The following UPK1B variants were observed in gnomAD, a reference collection of about 807,000 sequenced individuals.
UPK1B encodes uroplakin 1B.
UPK1B carries 28 observed loss-of-function variants against 34.2 expected under a neutral mutation model. The observed-to-expected ratio is 0.82, with a 90% confidence interval of 0.61 to 1.12. The LOEUF (loss-of-function observed/expected upper bound fraction) is 1.12, where lower values mean the gene tolerates loss of function less well. Among genes scored for constraint, UPK1B ranks in the 50% most tolerant of loss-of-function variants. The pLI is 0.00. For synonymous variants in UPK1B, 81 were observed against 110.4 expected, an observed-to-expected ratio of 0.73 and a Z score of 1.67; for missense variants, 325 against 320.9, an observed-to-expected ratio of 1.01 and a Z score of -0.10.
intron 1 of UPK1B, among the ~76,000 whole-genome samples, chr3:119,174,514 G>A (rs1056134232): frequency 4.6e-5 from 7 of 151,842 alleles, no homozygotes; most frequent in Admixed American, 2.0e-4. Flanking sequence ...CCAGCTATTC[G>A]GGAAGCTGAG....
chr3:119,185,238 C>T (rs753881137), intron 1 of UPK1B, among the ~76,000 whole-genome samples: 102 of 152,160 alleles, frequency 6.7e-4, no homozygotes, highest in Non-Finnish European at 1.3e-3. Flanking sequence ...CCCAGGTAAA[C>T]AGATAAAGGA....
intron 5 of UPK1B, among the ~76,000 whole-genome samples, chr3:119,192,661 C>T (rs758608319): frequency 4.6e-5 from 7 of 152,182 alleles, no homozygotes; most frequent in Non-Finnish European, 1.0e-4. Flanking sequence ...ACCAAATCTA[C>T]ATTGATATAC....
At chr3:119,183,097 C>G (rs541396002) in intron 1 of UPK1B, among the ~76,000 whole-genome samples, 5 of 152,236 alleles carry the variant, frequency 3.3e-5, no homozygotes, top group Middle Eastern at 3.4e-3. Flanking sequence ...TCTCTCCACT[C>G]CAGGTGTTTC....
At chr3:119,177,900 A>G (rs1025841731) in intron 1 of UPK1B, among the ~76,000 whole-genome samples, 2 of 152,226 alleles carry the variant, frequency 1.3e-5, no homozygotes, top group Admixed American at 6.5e-5. Flanking sequence ...GCTATTTGCT[A>G]TAGGCAGAGA....
At chr3:119,184,445 C>T (rs71325366) in intron 1 of UPK1B, among the ~76,000 whole-genome samples, 4,669 of 151,998 alleles carry the variant, frequency 0.031, 98 homozygotes, top group Non-Finnish European at 0.048. Context: ...TGAGGCCAGG[C>T]GCAGTGGCTC....
chr3:119,175,121 G>A (rs544241709), intron 1 of UPK1B, among the ~76,000 whole-genome samples: 5 of 140,066 alleles, frequency 3.6e-5, no homozygotes, highest in East Asian at 2.2e-4. Flanking sequence ...TCTGCCTCCC[G>A]GGTAGATGCC....
At chr3:119,196,358 C>T (rs2078067404) in intron 6 of UPK1B, among the ~76,000 whole-genome samples, 2 of 152,032 alleles carry the variant, frequency 1.3e-5, no homozygotes, top group South Asian at 4.2e-4. Context: ...GCATTCACTA[C>T]CTGGAACTAT....
chr3:119,187,713 A>G (rs1475457167), intron 2 of UPK1B, 62 bp from the exon 3 acceptor site: 15 of 1,073,794 alleles, frequency 1.4e-5, no homozygotes, highest in Non-Finnish European at 2.1e-5. Flanking sequence ...TACCTTCCCC[A>G]CCCTCCACCC....
chr3:119,181,644 CA>C (rs2077990042), intron 1 of UPK1B, among the ~76,000 whole-genome samples: 1 of 152,200 alleles, frequency 6.6e-6, no homozygotes, highest in South Asian at 2.1e-4. Flanking sequence ...TGCTCTTCAA[CA>C]AAGTTCTAGG....
chr3:119,181,044 G>A (rs72955044), intron 1 of UPK1B, among the ~76,000 whole-genome samples: 4,642 of 152,290 alleles, frequency 0.03, 225 homozygotes, highest in African/African-American at 0.11. Flanking sequence ...ACTTTTGAGT[G>A]TCCTCTTACT....
rs749656713 is a variant in UPK1B, at chr3:119,199,084, A to G, written c.676A>G (p.Met226Val). 93 of 1,614,034 alleles carry G rather than the reference A, an allele frequency of 5.8e-5. No homozygotes were observed. Among genetic ancestry groups the G allele is most frequent in the Non-Finnish European group, 7.0e-5 (83 of 1,180,012 alleles). The change falls in exon 7 of 8, where the codon ATG becomes GTG. Residue 226 changes from methionine (M) to valine (V), a missense_variant. Met to Val is a conservative substitution (Grantham distance 21). Coordinates refer to ENST00000264234, the MANE Select transcript of UPK1B (RefSeq NM_006952.4). ...CTGCTATGAACTGATCTCTGGTCCAATGAACCGACACGCCTGGGGGGTTGC... is the reference window on the plus strand; with the variant it reads ...CTGCTATGAACTGATCTCTGGTCCAGTGAACCGACACGCCTGGGGGGTTGC... The part of the protein sequence containing the change: ...QGCYELISGP[M>V]NRHAWGVAWF...
chr3:119,175,837 T>G (rs146548065), intron 1 of UPK1B, among the ~76,000 whole-genome samples: 86 of 152,334 alleles, frequency 5.6e-4, no homozygotes, highest in African/African-American at 1.9e-3. Flanking sequence ...GATTTTTACT[T>G]TTATTTAATT....
At position 119,194,501 on chromosome 3, in the gene UPK1B, C is replaced by A. The variant is rs2078058106; in HGVS notation, c.648+103C>A. ...AATAGTCTTTCAGTAAGGAATTCTACATTCTTTTCCCTAAACCTCATGTTA... is the reference window on the plus strand; with the variant it reads ...AATAGTCTTTCAGTAAGGAATTCTAAATTCTTTTCCCTAAACCTCATGTTA... On this transcript the variant is annotated intron_variant, in intron 6 of 7. Transcript: ENST00000264234. 10 of 1,119,906 alleles carry A rather than the reference C, an allele frequency of 8.9e-6. No individual in the cohort carries two copies. In the South Asian group the frequency reaches 1.8e-4, roughly 20 times the overall value. The allele number at this position is 1,119,906 out of a possible 1,614,324, so 69.4% of individuals were successfully genotyped here. A position where few individuals can be genotyped will look rare whatever the true frequency, so the allele number is the denominator to read the frequency against.
In UPK1B at chr3:119,204,057, C is replaced by T; in HGVS notation, c.*90C>T. On this transcript the variant is annotated 3_prime_UTR_variant, in exon 8 of 8. Transcript: ENST00000264234. ...CTCTCCTAATATTCCACGTTTGTGCCCCACACTAACGTGTGTGTCTTACAT... is the reference window on the plus strand; with the variant it reads ...CTCTCCTAATATTCCACGTTTGTGCTCCACACTAACGTGTGTGTCTTACAT... 7.0e-7 allele frequency: 1 copy of T among 1,433,072 alleles called. No individual in the cohort carries two copies. Among genetic ancestry groups the T allele is most frequent in the Non-Finnish European group, 9.8e-7 (1 of 1,024,432 alleles). 88.8% of individuals were successfully genotyped at this position (1,433,072 alleles called of 1,614,324 possible). A position where few individuals can be genotyped will look rare whatever the true frequency, so the allele number is the denominator to read the frequency against.
chr3:119,188,613 A>C (rs2078030225), intron 3 of UPK1B, among the ~76,000 whole-genome samples: 1 of 152,174 alleles, frequency 6.6e-6, no homozygotes, highest in South Asian at 2.1e-4. Flanking sequence ...CATCAAGGAG[A>C]GGCTTCTGCC....
chr3:119,179,507 C>CTTTTGTTTTTTT (rs2077978225), intron 1 of UPK1B, among the ~76,000 whole-genome samples: 1 of 52,256 alleles, frequency 1.9e-5, no homozygotes, highest in Non-Finnish European at 3.7e-5. Flanking sequence ...ATGTTGCAGT[C>CTTTTGTTTTTTT]TTTTTTTTTT....
intron 5 of UPK1B, 133 bp from the exon 6 acceptor site, chr3:119,194,086 T>C: frequency 1.2e-6 from 1 of 865,794 alleles, no homozygotes; most frequent in East Asian, 2.7e-5. Flanking sequence ...CAGCTGTCAT[T>C]TGGGGATTTC....
Position 119,186,755 on chromosome 3 carries a change from A to T in UPK1B, c.14A>T (p.Asn5Ile). The change falls in exon 2 of 8, where the codon AAC (asparagine) becomes ATC (isoleucine). Residue 5 changes from asparagine to isoleucine, a missense_variant. Asn to Ile is a moderately radical substitution (Grantham distance 149). Coordinates refer to ENST00000264234, the MANE Select transcript of UPK1B (RefSeq NM_006952.4). ...GAAATCCCGAAGATGGCCAAAGACA[A>T]CTCAACTGTTCGTTGCTTCCAGGGC... MAKD[N>I]STVRCFQGLL... The T allele has an allele frequency of 1.9e-6, 3 of 1,614,104 alleles. No individual in the cohort carries two copies. The highest frequency in any genetic ancestry group is 2.5e-6 in the Non-Finnish European group (3 of 1,180,012).
chr3:119,190,252 T>C lies in UPK1B; in HGVS notation c.278T>C (p.Ile93Thr), dbSNP rs2078037890. ...SSRKILLAYF[I>T]LMFIVYAFEV... is the part of the protein sequence containing the mutation. ...CATTTATTTCCCTTCCAGTATTTCA[T>C]TCTGATGTTTATAGTATATGCCTTT... The change falls in exon 4 of 8, where the codon ATT becomes ACT. Residue 93 changes from isoleucine (I) to threonine (T), a missense_variant. By Grantham distance (89) the Ile-to-Thr change is moderately conservative (BLOSUM62 -1). Coordinates refer to ENST00000264234, the MANE Select transcript of UPK1B (RefSeq NM_006952.4). 1.1e-5 allele frequency: 17 copies of C among 1,605,026 alleles called. No individual in the cohort carries two copies. The highest frequency in any genetic ancestry group is 1.4e-5 in the Non-Finnish European group (16 of 1,173,928).
Sources: allele counts gnomAD v4.1 joint callset (sites outside exome capture counted in the v4.1 genomes callset), GRCh38; gene constraint gnomAD v4.1.1; transcripts MANE v1.5; gene names NCBI Gene and HGNC (gene_info 2026-07-23, HGNC 2026-07-21).